The following EPM2A variants were observed in gnomAD, a reference collection of about 807,000 sequenced individuals.
EPM2A encodes the protein laforin.
Under a neutral mutation model 26.5 loss-of-function variants are expected in EPM2A, and 21 were observed. The ratio of observed to expected loss-of-function variants is 0.79; its 90% confidence interval spans 0.56 to 1.14. The LOEUF (loss-of-function observed/expected upper bound fraction) is 1.14. EPM2A is among the 50% of genes most tolerant of loss of function. The probability of loss-of-function intolerance (pLI) is 0.00; values close to 1 mark genes in which losing one functional copy is unlikely to be tolerated. For missense variants in EPM2A, 458 were observed against 440.8 expected (o/e 1.04, Z -0.35); for synonymous variants, 217 against 177.6 (o/e 1.22, Z -1.76).
chr6:145,511,121 G>A (rs981950888), intron 2 of EPM2A, among the ~76,000 whole-genome samples: 1 of 151,808 alleles, frequency 6.6e-6, no homozygotes, highest in African/African-American at 2.4e-5. Flanking sequence ...AATCAGAAAA[G>A]GCCCTGGACC....
At chr6:145,470,708 C>T (rs188420763) in intron 4 of EPM2A, among the ~76,000 whole-genome samples, 2 of 152,214 alleles carry the variant, frequency 1.3e-5, no homozygotes, top group East Asian at 3.9e-4. Context: ...ATAATGCTTA[C>T]TATAGATTTA....
chr6:145,735,267 G>A lies in EPM2A; in HGVS notation c.232C>T (p.Pro78Ser), dbSNP rs1776794542. 2.2e-5 allele frequency: 34 copies of A among 1,514,668 alleles called. No individual in the cohort carries two copies. Among genetic ancestry groups the A allele is most frequent in the Non-Finnish European group, 2.8e-5 (32 of 1,129,912 alleles). 93.8% of individuals were successfully genotyped at this position (1,514,668 alleles called of 1,614,324 possible). ...AEEAAQDGAE[P>S]GRVDTFWYKF... The stretch of plus-strand genomic sequence containing the variant: ...TACCAGAACGTGTCCACGCGGCCCG[G>A]CTCCGCCCCGTCCTGCGCCGCCTCC... The change falls in exon 1 of 4, where the codon CCG becomes TCG. Residue 78 changes from proline (P) to serine (S), a missense_variant. Transcript: ENST00000367519.
In EPM2A at chr6:145,635,485, T is replaced by C; in HGVS notation, c.478A>G (p.Ile160Val). 1 of 1,614,118 alleles carries C rather than the reference T, an allele frequency of 6.2e-7. No homozygotes were observed. Residue 160 changes from isoleucine to valine, a missense_variant and splice_region_variant, in exon 3 of 4, where the codon ATT (isoleucine) becomes GTT (valine). Physicochemically the swap from Ile to Val is conservative, Grantham distance 29 (BLOSUM62 3). Coordinates refer to ENST00000367519, the MANE Select transcript of EPM2A (RefSeq NM_005670.4). ...CTACCCAGCCAGATATTTGGTAGAA[T>C]TCTAATGAGAACATATGGAGACAAC... ...AGHQAMHYSR[I>V]LPNIWLGSCP... is the part of the protein sequence containing the mutation.
intron 2 of EPM2A, among the ~76,000 whole-genome samples, chr6:145,666,158 GCC>G (rs1300284732): frequency 3.5e-5 from 5 of 142,116 alleles, no homozygotes; most frequent in Non-Finnish European, 7.6e-5. Flanking sequence ...GGAAGTTCTG[GCC>G]AGGGCAATCA....
At chr6:145,618,223 A>G (rs2128553332) in intron 2 of EPM2A, among the ~76,000 whole-genome samples, 1 of 152,306 alleles carries the variant, frequency 6.6e-6, no homozygotes, top group African/African-American at 2.4e-5. Context: ...CTCACCAGAT[A>G]TAGATAGGAG....
At chr6:145,580,094 G>T (rs1035682708) in intron 2 of EPM2A, among the ~76,000 whole-genome samples, 2 of 152,036 alleles carry the variant, frequency 1.3e-5, no homozygotes, top group African/African-American at 4.8e-5. Flanking sequence ...AATAAGAAAA[G>T]GTTATTATAG....
chr6:145,385,614 A>G, intron 4 of EPM2A, among the ~76,000 whole-genome samples: 1 of 152,074 alleles, frequency 6.6e-6, no homozygotes, highest in East Asian at 1.9e-4. Flanking sequence ...ATATTTTTAA[A>G]CTTTTTTTCC....
At chr6:145,656,030 T>C (rs1778255999) in intron 2 of EPM2A, among the ~76,000 whole-genome samples, 1 of 152,134 alleles carries the variant, frequency 6.6e-6, no homozygotes, top group African/African-American at 2.4e-5. Flanking sequence ...GAAACGGAAA[T>C]GTTCAGAGCA....
chr6:145,467,210 T>A (rs1407679397), intron 4 of EPM2A, among the ~76,000 whole-genome samples: 2 of 152,056 alleles, frequency 1.3e-5, no homozygotes, highest in African/African-American at 2.4e-5. Flanking sequence ...TAATTTTATA[T>A]TTCTGTACTT....
intron 2 of EPM2A, among the ~76,000 whole-genome samples, chr6:145,676,751 G>C (rs1780072411): frequency 6.6e-6 from 1 of 152,114 alleles, no homozygotes; most frequent in Admixed American, 6.5e-5. Flanking sequence ...TCTCTGAATA[G>C]ACCAATAACA....
At chr6:145,464,078 A>C (rs1051229061) in intron 4 of EPM2A, among the ~76,000 whole-genome samples, 4 of 152,012 alleles carry the variant, frequency 2.6e-5, no homozygotes, top group Non-Finnish European at 5.9e-5. Context: ...CTGCCATGTA[A>C]GACATGCCTG....
intron 1 of EPM2A, among the ~76,000 whole-genome samples, chr6:145,701,724 C>G (rs780835478): frequency 6.6e-6 from 1 of 152,174 alleles, no homozygotes; most frequent in Non-Finnish European, 1.5e-5. Context: ...AACACATTAT[C>G]TTTCTCCAGC....
chr6:145,473,983 T>C (rs1230335264), intron 4 of EPM2A, among the ~76,000 whole-genome samples: 1 of 151,984 alleles, frequency 6.6e-6, no homozygotes, highest in Non-Finnish European at 1.5e-5. Flanking sequence ...GTACAAAACT[T>C]AATGGTAGTA....
At chr6:145,654,831 G>C (rs1052157001) in intron 2 of EPM2A, among the ~76,000 whole-genome samples, 2 of 152,038 alleles carry the variant, frequency 1.3e-5, no homozygotes, top group African/African-American at 2.4e-5. Flanking sequence ...GTTTTTCAAG[G>C]CTCCTGAAGT....
intron 4 of EPM2A, among the ~76,000 whole-genome samples, chr6:145,437,120 T>C (rs1778999085): frequency 6.6e-6 from 1 of 151,956 alleles, no homozygotes; most frequent in South Asian, 2.1e-4. Flanking sequence ...TGGTGGGAGG[T>C]AACTGGATCA....
At chr6:145,471,570 A>G (rs1562348448) in intron 4 of EPM2A, among the ~76,000 whole-genome samples, 1 of 151,836 alleles carries the variant, frequency 6.6e-6, no homozygotes, top group Non-Finnish European at 1.5e-5. Context: ...CCCACTCCCC[A>G]CTCCAGGCAG....
intron 2 of EPM2A, among the ~76,000 whole-genome samples, chr6:145,597,949 C>T (rs1781370442): frequency 6.6e-6 from 1 of 152,062 alleles, no homozygotes; most frequent in South Asian, 2.1e-4. Flanking sequence ...ATGTATGTAC[C>T]ACATTTTCTT....
chr6:145,514,259 C>T (rs557147077), intron 2 of EPM2A, among the ~76,000 whole-genome samples: 1 of 152,158 alleles, frequency 6.6e-6, no homozygotes, highest in Admixed American at 6.5e-5. Context: ...AGAACTGCCC[C>T]ACGACTCCAT....
At chr6:145,594,011 G>C (rs1288476299) in intron 2 of EPM2A, among the ~76,000 whole-genome samples, 1 of 151,648 alleles carries the variant, frequency 6.6e-6, no homozygotes, top group Non-Finnish European at 1.5e-5. Flanking sequence ...TAAAACTCTA[G>C]CCAGGATAGC....
Sources: gnomAD v4.1 joint callset for allele counts (sites outside exome capture counted in the v4.1 genomes callset) on GRCh38, gnomAD v4.1.1 for gene constraint, MANE v1.5 for transcripts, NCBI Gene and HGNC (gene_info 2026-07-23, HGNC 2026-07-21) for gene names.